Variants in TTC27 observed in about 807,000 individuals in gnomAD.
The protein encoded by TTC27 is tetratricopeptide repeat domain 27.
TTC27 carries 79 observed loss-of-function variants against 115.9 expected under a neutral mutation model. The ratio of observed to expected loss-of-function variants is 0.68; its 90% CI spans 0.57 to 0.82. The LOEUF (loss-of-function observed/expected upper bound fraction) is 0.82. TTC27 is among the 40% of genes least tolerant of loss of function. TTC27 has a pLI of 0.00. For missense variants in TTC27, 1,054 were observed against 993.1 expected, an observed-to-expected ratio of 1.06 and a Z score of -0.82; for synonymous variants, 401 against 356.0, an observed-to-expected ratio of 1.13 and a Z score of -1.42.
chr2:32,690,935 G>A (rs1304851363), intron 9 of TTC27, among the ~76,000 whole-genome samples: 1 of 152,140 alleles, frequency 6.6e-6, no homozygotes, highest in Non-Finnish European at 1.5e-5. Context: ...GGCATCGTTC[G>A]ATTTGGCTTT....
intron 4 of TTC27, among the ~76,000 whole-genome samples, chr2:32,644,471 G>A (rs1262891532): frequency 2.0e-5 from 3 of 152,200 alleles, no homozygotes; most frequent in Non-Finnish European, 4.4e-5. Flanking sequence ...TAGGGTTGCA[G>A]AGGCAAGTTA....
intron 16 of TTC27, among the ~76,000 whole-genome samples, chr2:32,792,303 A>G (rs1418043464): frequency 1.3e-5 from 2 of 152,162 alleles, no homozygotes; most frequent in Non-Finnish European, 2.9e-5. Flanking sequence ...GAATGGATAT[A>G]TGTTATAAAA....
At chr2:32,672,929 C>T (rs1666062861) in intron 8 of TTC27, among the ~76,000 whole-genome samples, 1 of 152,152 alleles carries the variant, frequency 6.6e-6, no homozygotes, top group African/African-American at 2.4e-5. Context: ...AGTCACAATA[C>T]AGCTATCAAA....
At chr2:32,792,644 C>T (rs1429083371) in intron 16 of TTC27, among the ~76,000 whole-genome samples, 1 of 152,008 alleles carries the variant, frequency 6.6e-6, no homozygotes, top group Non-Finnish European at 1.5e-5. Flanking sequence ...GGGAGCTAGC[C>T]AAGCAGGGGA....
chr2:32,667,789 C>T (rs1054852378), intron 7 of TTC27, among the ~76,000 whole-genome samples: 1 of 150,482 alleles, frequency 6.6e-6, no homozygotes, highest in Non-Finnish European at 1.5e-5. Context: ...CATGGTGGCT[C>T]ATGCCTGTAA....
chr2:32,706,126 A>G (rs1572533411), intron 10 of TTC27, among the ~76,000 whole-genome samples: 1 of 104,494 alleles, frequency 9.6e-6, no homozygotes, highest in South Asian at 3.5e-4. Context: ...TTTGTCACCC[A>G]GACTGGAGTG....
At chr2:32,687,708 A>G (rs1229077321) in intron 9 of TTC27, among the ~76,000 whole-genome samples, 2 of 152,216 alleles carry the variant, frequency 1.3e-5, no homozygotes, top group East Asian at 3.8e-4. Context: ...TTCCAGAGAC[A>G]GAGAGGACAA....
chr2:32,817,497 A>G lies in TTC27; in HGVS notation c.2349A>G (p.Glu783=). 6.2e-7 allele frequency: 1 copy of G among 1,614,124 alleles called. No individual in the cohort carries two copies. Among genetic ancestry groups the G allele is most frequent in the South Asian group, 1.1e-5 (1 of 91,082 alleles). The change falls in exon 19 of 20, where the codon GAA becomes GAG. Residue 783 remains glutamate (E), a synonymous_variant. Transcript: ENST00000317907. ...GTAAAAACAAATCCAGTTCCCAAGA[A>G]GCTGTACAAATGCTTTCTTCTGTTC... ...KCSKNKSSSQ[E]AVQMLSSVRL... is the part of the protein sequence containing the mutation.
chr2:32,718,313 A>T (rs928164041), intron 10 of TTC27, among the ~76,000 whole-genome samples: 1 of 151,924 alleles, frequency 6.6e-6, no homozygotes, highest in East Asian at 1.9e-4. Context: ...GTTATAGGAG[A>T]TTTCTTCCAT....
intron 10 of TTC27, among the ~76,000 whole-genome samples, chr2:32,722,381 T>G (rs1667961112): frequency 6.6e-6 from 1 of 152,242 alleles, no homozygotes; most frequent in Non-Finnish European, 1.5e-5. Flanking sequence ...TAATTATAGT[T>G]GCTACTGTTT....
At chr2:32,719,002 T>A (rs1380433678) in intron 10 of TTC27, among the ~76,000 whole-genome samples, 5 of 152,084 alleles carry the variant, frequency 3.3e-5, no homozygotes, top group Non-Finnish European at 7.4e-5. Flanking sequence ...TGACCAAGCC[T>A]AGGGGGCAGA....
At chr2:32,747,237 T>A (rs1668861493) in intron 12 of TTC27, among the ~76,000 whole-genome samples, 1 of 152,174 alleles carries the variant, frequency 6.6e-6, no homozygotes, top group African/African-American at 2.4e-5. Context: ...ATGTGAAGAT[T>A]TTCCTGATTA....
intron 10 of TTC27, among the ~76,000 whole-genome samples, chr2:32,709,760 T>C (rs1667512286): frequency 6.6e-6 from 1 of 152,132 alleles, no homozygotes; most frequent in Non-Finnish European, 1.5e-5. Context: ...CGAGGCAGTC[T>C]GTTGTCCCCA....
intron 5 of TTC27, among the ~76,000 whole-genome samples, chr2:32,656,696 CCCT>C (rs1330777136): frequency 3.9e-5 from 6 of 152,090 alleles, no homozygotes; most frequent in Non-Finnish European, 5.9e-5. Context: ...ACACATGGAC[CCCT>C]CCTTGGTAAA....
At chr2:32,787,786 G>A (rs1670398769) in intron 16 of TTC27, among the ~76,000 whole-genome samples, 1 of 151,844 alleles carries the variant, frequency 6.6e-6, no homozygotes, top group Non-Finnish European at 1.5e-5. Flanking sequence ...TCCAGCCTGG[G>A]TGACAGAGCA....
chr2:32,705,939 T>C (rs1572533190), intron 10 of TTC27, among the ~76,000 whole-genome samples: 1 of 152,174 alleles, frequency 6.6e-6, no homozygotes, highest in African/African-American at 2.4e-5. Flanking sequence ...ATTTTTTAAA[T>C]TGGTATTCTA....
chr2:32,686,759 C>T (rs572977439), intron 9 of TTC27, among the ~76,000 whole-genome samples: 2 of 152,206 alleles, frequency 1.3e-5, no homozygotes, highest in South Asian at 4.2e-4. Context: ...CCTGGTGATA[C>T]TGGGGAATGA....
chr2:32,694,055 C>A (rs1278452746), intron 9 of TTC27, among the ~76,000 whole-genome samples: 1 of 152,156 alleles, frequency 6.6e-6, no homozygotes, highest in African/African-American at 2.4e-5. Flanking sequence ...GTAGTTACTG[C>A]ATTTTTCTCA....
chr2:32,664,575 T>C, intron 6 of TTC27, 108 bp downstream of exon 6: 1 of 936,132 alleles, frequency 1.1e-6, no homozygotes, highest in Non-Finnish European at 1.6e-6. Context: ...CCTATTTGCT[T>C]TACAAAAGTA....
Sources: allele counts gnomAD v4.1 joint callset (sites outside exome capture counted in the v4.1 genomes callset), GRCh38; gene constraint gnomAD v4.1.1; transcripts MANE v1.5; gene names NCBI Gene and HGNC (gene_info 2026-07-23, HGNC 2026-07-21).